The following FMNL2 variants were observed in gnomAD, a reference collection of about 807,000 sequenced individuals.
FMNL2 encodes the protein formin-like protein 2.
FMNL2 carries 51 observed loss-of-function variants against 130.2 expected under a neutral mutation model. The ratio of observed to expected loss-of-function variants is 0.39; its 90% CI spans 0.31 to 0.49. The LOEUF (loss-of-function observed/expected upper bound fraction) is 0.49, where lower values mean the gene tolerates loss of function less well. FMNL2 is among the 20% of genes least tolerant of loss of function. The probability of loss-of-function intolerance (pLI) is 0.85; values close to 1 mark genes in which losing one functional copy is unlikely to be tolerated. For missense variants in FMNL2, 977 were observed against 1,316.2 expected, an observed-to-expected ratio of 0.74 and a Z score of 3.99; for synonymous variants, 465 against 467.1, an observed-to-expected ratio of 1.00 and a Z score of 0.06.
intron 1 of FMNL2, among the ~76,000 whole-genome samples, chr2:152,492,566 AGG>A (rs1015149200): frequency 6.6e-6 from 1 of 152,124 alleles, no homozygotes; most frequent in Non-Finnish European, 1.5e-5. Flanking sequence ...AGGCTTTGTA[AGG>A]GGGGTGTTCA....
chr2:152,526,849 C>A (rs1442276378), intron 2 of FMNL2, among the ~76,000 whole-genome samples: 1 of 151,820 alleles, frequency 6.6e-6, no homozygotes, highest in East Asian at 1.9e-4. Flanking sequence ...TCGGTATGCA[C>A]CTTATAAAAT....
At chr2:152,618,115 C>T (rs1699048519) in intron 13 of FMNL2, among the ~76,000 whole-genome samples, 1 of 152,164 alleles carries the variant, frequency 6.6e-6, no homozygotes, top group African/African-American at 2.4e-5. Flanking sequence ...TTCCATAAAA[C>T]CCTTTCACTA....
intron 1 of FMNL2, among the ~76,000 whole-genome samples, chr2:152,454,325 T>C (rs552763153): frequency 6.6e-6 from 1 of 152,314 alleles, no homozygotes; most frequent in South Asian, 2.1e-4. Context: ...GAAAAGAATA[T>C]GAAATAAAGT....
At chr2:152,457,622 GA>G (rs1282666916) in intron 1 of FMNL2, among the ~76,000 whole-genome samples, 3 of 152,150 alleles carry the variant, frequency 2.0e-5, no homozygotes, top group South Asian at 2.1e-4. Context: ...TCCTTTGTAA[GA>G]AAAAAATGAC....
chr2:152,454,998 G>T (rs1688872864), intron 1 of FMNL2, among the ~76,000 whole-genome samples: 1 of 152,086 alleles, frequency 6.6e-6, no homozygotes, highest in South Asian at 2.1e-4. Flanking sequence ...TCATTGAGAG[G>T]GTCCCCAGGC....
chr2:152,645,330 T>C (rs1367107165), intron 25 of FMNL2: 3 of 501,104 alleles, frequency 6.0e-6, no homozygotes, highest in Non-Finnish European at 1.0e-5. Flanking sequence ...CTTCCTCTGT[T>C]GGCTAACATG....
chr2:152,380,971 G>C (rs1332736072), intron 1 of FMNL2, among the ~76,000 whole-genome samples: 1 of 152,202 alleles, frequency 6.6e-6, no homozygotes, highest in Non-Finnish European at 1.5e-5. Context: ...GTATAACTAA[G>C]TAGGAAAATG....
chr2:152,414,352 T>G (rs1320341890), intron 1 of FMNL2, among the ~76,000 whole-genome samples: 2 of 152,188 alleles, frequency 1.3e-5, no homozygotes, highest in Admixed American at 6.5e-5. Context: ...GATGTTACCC[T>G]TATTTCCTAC....
At chr2:152,510,650 C>T (rs901534674) in intron 1 of FMNL2, among the ~76,000 whole-genome samples, 4 of 152,212 alleles carry the variant, frequency 2.6e-5, no homozygotes, top group Non-Finnish European at 1.5e-5. Flanking sequence ...CAGATGCAAA[C>T]ACTTACTTCA....
At chr2:152,629,447 TTCAGTA>T (rs1445553041) in intron 18 of FMNL2, among the ~76,000 whole-genome samples, 18 of 152,186 alleles carry the variant, frequency 1.2e-4, no homozygotes, top group African/African-American at 4.3e-4. Context: ...TGTGAACAGT[TTCAGTA>T]AAGATCGTGC....
chr2:152,361,251 A>C (rs1299371144), intron 1 of FMNL2, among the ~76,000 whole-genome samples: 1 of 152,184 alleles, frequency 6.6e-6, no homozygotes, highest in Non-Finnish European at 1.5e-5. Context: ...GATAATAATC[A>C]ATTTTTACAA....
At chr2:152,578,849 A>G in intron 7 of FMNL2, 39 bp from the exon 8 acceptor site, 1 of 1,558,260 alleles carries the variant, frequency 6.4e-7, no homozygotes, top group South Asian at 1.2e-5. Flanking sequence ...CTTGTCTCCC[A>G]ATGCTTTGTG....
At chr2:152,567,140 T>G (rs1180182838) in intron 6 of FMNL2, among the ~76,000 whole-genome samples, 1 of 152,144 alleles carries the variant, frequency 6.6e-6, no homozygotes, top group East Asian at 1.9e-4. Flanking sequence ...AGTGAGATGG[T>G]TTCCTTGGAC....
intron 1 of FMNL2, among the ~76,000 whole-genome samples, chr2:152,430,253 C>T (rs1201494403): frequency 6.6e-6 from 1 of 152,148 alleles, no homozygotes; most frequent in Non-Finnish European, 1.5e-5. Flanking sequence ...TGAGTTCTCA[C>T]GTTAGTCCAT....
chr2:152,382,658 C>G (rs1684537939), intron 1 of FMNL2, among the ~76,000 whole-genome samples: 1 of 151,862 alleles, frequency 6.6e-6, no homozygotes. Context: ...ACACCCACAC[C>G]AAGAAAGGAA....
chr2:152,464,732 A>G (rs1270692989), intron 1 of FMNL2, among the ~76,000 whole-genome samples: 3 of 152,196 alleles, frequency 2.0e-5, no homozygotes, highest in Non-Finnish European at 4.4e-5. Context: ...AGTTGGGTAA[A>G]GTTGAAAGCA....
chr2:152,443,607 C>T (rs892011561), intron 1 of FMNL2, among the ~76,000 whole-genome samples: 2 of 152,214 alleles, frequency 1.3e-5, no homozygotes, highest in East Asian at 3.9e-4. Flanking sequence ...CTCTGGGAGG[C>T]TGAGGTGGGC....
chr2:152,448,724 A>G (rs73968017), intron 1 of FMNL2, among the ~76,000 whole-genome samples: 1 of 152,234 alleles, frequency 6.6e-6, no homozygotes, highest in Non-Finnish European at 1.5e-5. Context: ...CATTTTCAGC[A>G]TTGAATTTAA....
chr2:152,524,404 T>G (rs769555048), intron 2 of FMNL2, among the ~76,000 whole-genome samples: 1 of 152,134 alleles, frequency 6.6e-6, no homozygotes, highest in Non-Finnish European at 1.5e-5. Flanking sequence ...TCTAACTAAT[T>G]CTGGAGGGAG....
Sources: allele counts gnomAD v4.1 joint callset (sites outside exome capture counted in the v4.1 genomes callset), GRCh38; gene constraint gnomAD v4.1.1; transcripts MANE v1.5; gene names NCBI Gene and HGNC (gene_info 2026-07-23, HGNC 2026-07-21).